The following ATP12A variants were observed in gnomAD, a reference collection of about 807,000 sequenced individuals.
ATP12A encodes potassium-transporting ATPase alpha chain 2.
A neutral mutation model predicts 111.2 loss-of-function variants in ATP12A; 81 were observed. The ratio of observed to expected loss-of-function variants is 0.73; its 90% confidence interval spans 0.61 to 0.88. The LOEUF (loss-of-function observed/expected upper bound fraction) is 0.88, where lower values mean the gene tolerates loss of function less well. Ranked by LOEUF, ATP12A falls within the 40% of genes least tolerant of loss-of-function variation. The pLI is 0.00. For synonymous variants in ATP12A, 498 were observed against 499.8 expected, an observed-to-expected ratio of 1.00 and a Z score of 0.05; for missense variants, 1,196 against 1,313.1, an observed-to-expected ratio of 0.91 and a Z score of 1.38.
chr13:24,681,532 GC>G, intron 1 of ATP12A, 29 bp from the exon 2 acceptor site: 1 of 1,601,596 alleles, frequency 6.2e-7, no homozygotes, highest in South Asian at 1.1e-5. Flanking sequence ...CCCATTTGGG[GC>G]CAATATTGCA....
chr13:24,709,121 G>A (rs1401631490), intron 17 of ATP12A, among the ~76,000 whole-genome samples: 1 of 152,170 alleles, frequency 6.6e-6, no homozygotes, highest in Non-Finnish European at 1.5e-5. Flanking sequence ...GGGGAAGAGT[G>A]TTTTATAACC....
At chr13:24,681,940 GGTGT>G (rs368873685) in intron 2 of ATP12A, among the ~76,000 whole-genome samples, 1 of 135,858 alleles carries the variant, frequency 7.4e-6, no homozygotes, top group Admixed American at 7.1e-5. Context: ...TGTAGTGTGT[GGTGT>G]GTGTGTGTAT....
intron 10 of ATP12A, 109 bp downstream of exon 10, chr13:24,693,005 G>C: frequency 2.9e-6 from 3 of 1,024,964 alleles, no homozygotes; most frequent in Non-Finnish European, 4.4e-6. Flanking sequence ...AGTTTGTTCA[G>C]TGCTTGCAAG....
chr13:24,689,836 G>T (rs1874804621), intron 5 of ATP12A, among the ~76,000 whole-genome samples: 1 of 152,164 alleles, frequency 6.6e-6, no homozygotes, highest in African/African-American at 2.4e-5. Context: ...CTGTGGGCTG[G>T]AGAGATTCTG....
intron 11 of ATP12A, among the ~76,000 whole-genome samples, chr13:24,695,044 C>T (rs947560436): frequency 1.1e-4 from 17 of 152,176 alleles, no homozygotes; most frequent in African/African-American, 4.1e-4. Flanking sequence ...TGTTCGCATC[C>T]GGCCTGTGAG....
chr13:24,688,173 C>T, intron 3 of ATP12A, 146 bp from the exon 4 acceptor site: 1 of 817,126 alleles, frequency 1.2e-6, no homozygotes, highest in Non-Finnish European at 1.9e-6. Flanking sequence ...AGAAGTGAGG[C>T]ACGGTCTGCT....
intron 17 of ATP12A, 28 bp from the exon 18 acceptor site, chr13:24,709,336 T>A: frequency 7.2e-7 from 1 of 1,385,506 alleles, no homozygotes; most frequent in Non-Finnish European, 9.6e-7. Flanking sequence ...ATCCTGGGGT[T>A]AGACCTCACC....
At chr13:24,695,591 GGAA>G (rs1362558092) in intron 11 of ATP12A, among the ~76,000 whole-genome samples, 2 of 146,650 alleles carry the variant, frequency 1.4e-5, no homozygotes, top group Non-Finnish European at 3.0e-5. Context: ...TTAGGGTTAG[GGAA>G]GAACTCTTTT....
At position 24,708,953 on chromosome 13, in the gene ATP12A, G is replaced by GA. The variant is rs1555255704; in HGVS notation, c.2494-408dup. ...AGAAAGAAAGAAAGAAAGAAAGAAA[G>GA]AAAGAAAGAAGGAAAGAGAAAGAGA... On this transcript the variant is annotated intron_variant, in intron 17 of 22. Transcript: ENST00000381946. Among the ~76,000 whole-genome samples the GA allele has an allele frequency of 2.0e-4, 27 of 137,468 alleles. 1 individual carries two copies. The highest frequency in any genetic ancestry group is 7.2e-4 in the African/African-American group (27 of 37,370). The allele number at this position is 137,468 out of a possible 152,430, so 90.2% of individuals were successfully genotyped here.
At chr13:24,682,139 T>C (rs567935102) in intron 2 of ATP12A, among the ~76,000 whole-genome samples, 1 of 88,600 alleles carries the variant, frequency 1.1e-5, no homozygotes, top group Admixed American at 1.1e-4. Flanking sequence ...GTGGTGTGTA[T>C]ATGTGTGTGG....
At position 24,709,804 on chromosome 13, in the gene ATP12A, G is replaced by C; in HGVS notation, c.2739G>C (p.Leu913Phe). The change falls in exon 19 of 23, where the codon TTG (leucine) becomes TTC (phenylalanine). Residue 913 changes from leucine (L) to phenylalanine (F), a missense_variant. By Grantham distance (22) the Leu-to-Phe change is conservative. This residue lies in a region of ATP12A where 1,126 missense variants were observed against 1,228.5 expected (regional missense o/e 0.92). Transcript: ENST00000381946. Reference protein sequence around the residue: ...VEWEKDYVNDLKDSYGQEWTR... With the variant: ...VEWEKDYVNDFKDSYGQEWTR... ...GGGAGAAGGACTACGTGAATGACTT[G>C]AAAGACAGCTATGGGCAGGAATGGG... 4 of 1,614,196 alleles carry C rather than the reference G, an allele frequency of 2.5e-6. No individual in the cohort carries two copies. Among genetic ancestry groups the C allele is most frequent in the African/African-American group, 1.3e-5 (1 of 75,056 alleles).
chr13:24,684,077 C>G (rs1033465254), intron 2 of ATP12A, among the ~76,000 whole-genome samples: 5 of 150,426 alleles, frequency 3.3e-5, no homozygotes, highest in Non-Finnish European at 7.4e-5. Flanking sequence ...CCCACCCCTC[C>G]CCCATGCTCT....
rs1436441089 is a variant in ATP12A at position 24,702,025 on chromosome 13, G to C, written c.1972G>C (p.Asp658His). 4 of 1,614,122 alleles carry C rather than the reference G, an allele frequency of 2.5e-6. No individual in the cohort carries two copies. In the African/African-American group the frequency reaches 5.3e-5, roughly 22 times the overall value. The change falls in exon 14 of 23, where the codon GAC becomes CAC. Residue 658 changes from aspartate (D) to histidine (H), a missense_variant. Asp to His is a moderately conservative substitution (Grantham distance 81). Around this residue, in one of 3 missense-constraint regions of ATP12A, gnomAD observed 1,126 missense variants for 1,228.5 expected, o/e 0.92. Coordinates refer to ENST00000381946, the MANE Select transcript of ATP12A (RefSeq NM_001676.7). ...TTCAGCCAACAGTGAAACAGTGGAAGACATTGCACATCGCCTCAACATTGC... is the reference window on the plus strand; with the variant it reads ...TTCAGCCAACAGTGAAACAGTGGAACACATTGCACATCGCCTCAACATTGC... ...IISANSETVE[D>H]IAHRLNIAVE...
At position 24,692,702 on chromosome 13, in the gene ATP12A, G is replaced by T. The variant is rs1593135628; in HGVS notation, c.1267+75G>T. 3 of 1,598,206 alleles carry T rather than the reference G, an allele frequency of 1.9e-6. No homozygotes were observed. The East Asian group carries it at 6.7e-5, about 36-fold the overall frequency. Reference sequence around the variant, plus strand: ...GGGGCTGAGCTGAGCACACAGCAGGGTCTGCAGCCAGAGGATTGCTGGACA... The same window carrying T: ...GGGGCTGAGCTGAGCACACAGCAGGTTCTGCAGCCAGAGGATTGCTGGACA... On this transcript the variant is annotated intron_variant, in intron 9 of 22. Coordinates refer to ENST00000381946, the MANE Select transcript of ATP12A (RefSeq NM_001676.7).
intron 2 of ATP12A, among the ~76,000 whole-genome samples, chr13:24,682,758 C>A (rs73158345): frequency 3.9e-5 from 6 of 151,990 alleles, no homozygotes; most frequent in African/African-American, 9.7e-5. Context: ...CATCAGAGTC[C>A]CACTTCTCCA....
intron 2 of ATP12A, among the ~76,000 whole-genome samples, chr13:24,684,801 C>G (rs1196592284): frequency 6.6e-6 from 1 of 152,236 alleles, no homozygotes; most frequent in African/African-American, 2.4e-5. Context: ...CAGGGTTTCT[C>G]TGCCCAGTGA....
Position 24,709,840 on chromosome 13 carries a change from G to C in ATP12A, c.2763+12G>C, listed in dbSNP as rs764434632. 6.2e-7 allele frequency: 1 copy of C among 1,613,538 alleles called. No homozygotes were observed. The highest frequency in any genetic ancestry group is 8.5e-7 in the Non-Finnish European group (1 of 1,179,646). On this transcript the variant is annotated intron_variant, in intron 19 of 22. Transcript: ENST00000381946. Reference sequence around the variant, plus strand: ...ATGGGCAGGAATGGGTGAGTGGCGGGAGCCCTGCTGCAGAGTCCACCTGAT... The same window carrying C: ...ATGGGCAGGAATGGGTGAGTGGCGGCAGCCCTGCTGCAGAGTCCACCTGAT...
chr13:24,689,791 C>G (rs3783066), intron 5 of ATP12A, among the ~76,000 whole-genome samples: 46,883 of 152,062 alleles, frequency 0.31, 8,780 homozygotes, highest in Non-Finnish European at 0.42. Flanking sequence ...CCAAAAACCC[C>G]TGTCAGGTGT....
At chr13:24,711,207 G>C (rs529485199) in intron 21 of ATP12A, 111 bp from the exon 22 acceptor site, 6 of 1,047,656 alleles carry the variant, frequency 5.7e-6, no homozygotes, top group Middle Eastern at 3.0e-4. Context: ...TGGATTTGTC[G>C]TTCTTTGCAG....
Sources: gnomAD v4.1 joint callset for allele counts (sites outside exome capture counted in the v4.1 genomes callset) on GRCh38, gnomAD v4.1.1 for gene constraint, gnomAD v4.1.1 regional missense constraint, MANE v1.5 for transcripts, NCBI Gene and HGNC (gene_info 2026-07-23, HGNC 2026-07-21) for gene names.